HRH1: variants seen among roughly 807,000 people sequenced by gnomAD.
The protein encoded by HRH1 is histamine H1 receptor.
A neutral mutation model predicts 10.3 loss-of-function variants in HRH1; 6 were observed. The ratio of observed to expected loss-of-function variants is 0.58; its 90% confidence interval spans 0.32 to 1.15. The LOEUF is 1.15. HRH1 is among the 50% of genes most tolerant of loss of function. The pLI, the probability that HRH1 is intolerant of heterozygous loss-of-function variation, is 0.05. For synonymous variants in HRH1, 242 were observed against 236.7 expected (o/e 1.02, Z -0.21); for missense variants, 514 against 615.3 (o/e 0.84, Z 1.74).
At chr3:11,165,104 A>G (rs1937005325) in intron 1 of HRH1, among the ~76,000 whole-genome samples, 1 of 152,232 alleles carries the variant, frequency 6.6e-6, no homozygotes, top group South Asian at 2.1e-4. Flanking sequence ...GCACAGTGCT[A>G]AGACAGTCTC....
upstream of HRH1, among the ~76,000 whole-genome samples, chr3:11,154,144 G>C (rs1270220300): frequency 6.6e-6 from 1 of 152,176 alleles, no homozygotes; most frequent in Non-Finnish European, 1.5e-5. The surrounding 1 kb of genome is among the most constrained non-coding windows in gnomAD (Gnocchi z 4.4). Flanking sequence ...CAGGTGCGTG[G>C]GTGGGGGTGG....
chr3:11,226,885 TAAAA>T (rs11312109), intron 1 of HRH1, among the ~76,000 whole-genome samples: 7 of 133,360 alleles, frequency 5.2e-5, no homozygotes, highest in African/African-American at 5.6e-5. Context: ...AGACTCAGTC[TAAAA>T]AAAAAAAAAA....
chr3:11,164,772 C>T (rs149176222), intron 1 of HRH1, among the ~76,000 whole-genome samples: 4 of 152,322 alleles, frequency 2.6e-5, no homozygotes, highest in Admixed American at 2.0e-4. Context: ...GAAACAGAAA[C>T]AGCAGTGCAG....
intron 1 of HRH1, among the ~76,000 whole-genome samples, chr3:11,249,120 G>A (rs1939567662): frequency 6.6e-6 from 1 of 152,136 alleles, no homozygotes; most frequent in Admixed American, 6.5e-5. Flanking sequence ...TTTAGGGCTG[G>A]GCGCGGTGGC....
At chr3:11,223,011 C>T (rs1005155823) in intron 1 of HRH1, among the ~76,000 whole-genome samples, 2 of 151,556 alleles carry the variant, frequency 1.3e-5, no homozygotes, top group Non-Finnish European at 2.9e-5. Context: ...ATGGTGAAAC[C>T]CCACCTCTAC....
At chr3:11,235,810 AG>A (rs1939166562) in intron 1 of HRH1, among the ~76,000 whole-genome samples, 1 of 152,232 alleles carries the variant, frequency 6.6e-6, no homozygotes, top group Non-Finnish European at 1.5e-5. Context: ...GCTGAAATAG[AG>A]CAGGTGTTGT....
chr3:11,211,696 G>A (rs983499246), intron 1 of HRH1, among the ~76,000 whole-genome samples: 2 of 152,198 alleles, frequency 1.3e-5, no homozygotes, highest in Non-Finnish European at 2.9e-5. Flanking sequence ...CAGGGGCAAG[G>A]ACTGGGATTT....
intron 1 of HRH1, among the ~76,000 whole-genome samples, chr3:11,222,667 T>C (rs1938745011): frequency 6.6e-6 from 1 of 151,930 alleles, no homozygotes; most frequent in Non-Finnish European, 1.5e-5. Flanking sequence ...GCTGGCGAGC[T>C]GTGCGTCAGG....
chr3:11,177,708 C>G (rs765064548), intron 1 of HRH1, among the ~76,000 whole-genome samples: 19 of 152,204 alleles, frequency 1.2e-4, no homozygotes, highest in Non-Finnish European at 1.9e-4. Context: ...CAGTGCTGGC[C>G]TAGTACATCC....
chr3:11,150,797 T>A (rs570771927), upstream of HRH1, among the ~76,000 whole-genome samples: 146 of 152,204 alleles, frequency 9.6e-4, no homozygotes, highest in African/African-American at 3.2e-3. Flanking sequence ...AGGAAGCAGT[T>A]GGGCTGGATT....
rs1939972265 is a variant in HRH1, at chr3:11,262,105, T to A, written c.*1604T>A. On this transcript the variant is annotated 3_prime_UTR_variant, in exon 2 of 2. Coordinates refer to ENST00000431010, the MANE Select transcript of HRH1 (RefSeq NM_001098212.2). ...AAAAACTAGTAAAGACATAGGAACA[T>A]GTAGTTTTACTTGGTGTTTATGTTG... The A allele has an allele frequency of 6.0e-6, 1 of 167,108 alleles. No individual in the cohort carries two copies. The highest frequency in any genetic ancestry group is 1.5e-5 in the Non-Finnish European group (1 of 68,130). 10.4% of individuals were successfully genotyped at this position (167,108 alleles called of 1,614,324 possible).
At chr3:11,203,421 A>C (rs1938005550) in intron 1 of HRH1, among the ~76,000 whole-genome samples, 1 of 152,188 alleles carries the variant, frequency 6.6e-6, no homozygotes, top group Non-Finnish European at 1.5e-5. Flanking sequence ...TGTATCTAAA[A>C]AGTCATTGCC....
chr3:11,249,174 A>G (rs950990349), intron 1 of HRH1, among the ~76,000 whole-genome samples: 1 of 152,144 alleles, frequency 6.6e-6, no homozygotes, highest in Non-Finnish European at 1.5e-5. Flanking sequence ...AGGCAGGTGG[A>G]TCACGAGGTC....
chr3:11,195,604 A>G (rs866848667), intron 1 of HRH1, among the ~76,000 whole-genome samples: 1 of 152,332 alleles, frequency 6.6e-6, no homozygotes, highest in Middle Eastern at 3.4e-3. Context: ...AGCTATCTGG[A>G]TAATCTCTTC....
chr3:11,250,443 G>A (rs1450678913), intron 1 of HRH1, among the ~76,000 whole-genome samples: 6 of 151,934 alleles, frequency 3.9e-5, no homozygotes, highest in Non-Finnish European at 8.8e-5. Flanking sequence ...TCTCTCAACG[G>A]TCCGGACTGC....
Position 11,211,071 on chromosome 3 carries a change from G to A in HRH1, c.-35-47932G>A, listed in dbSNP as rs1362900134. On this transcript the variant is annotated intron_variant, in intron 1 of 1. Coordinates refer to ENST00000431010, the MANE Select transcript of HRH1 (RefSeq NM_001098212.2). The stretch of plus-strand genomic sequence containing the variant: ...TAGATGGATTAAGGCAGATGATAAA[G>A]TAGCAAGCAAATAAATCAATTTGTA... 3.9e-5 allele frequency among the ~76,000 whole-genome samples: 6 copies of A among 152,230 alleles called. No individual in the cohort carries two copies. The East Asian group carries it at 1.2e-3, about 29-fold the overall frequency.
chr3:11,255,705 C>T (rs1485698228), intron 1 of HRH1, among the ~76,000 whole-genome samples: 3 of 152,082 alleles, frequency 2.0e-5, no homozygotes, highest in Admixed American at 6.5e-5. Flanking sequence ...AACTGGAAGC[C>T]GGGAGGAGGC....
At chr3:11,217,309 C>T (rs904344237) in intron 1 of HRH1, among the ~76,000 whole-genome samples, 1 of 151,844 alleles carries the variant, frequency 6.6e-6, no homozygotes, top group Admixed American at 6.6e-5. Context: ...GCAGGCGGAT[C>T]ACCTGAGGTC....
chr3:11,198,219 G>A (rs1292216488), intron 1 of HRH1, among the ~76,000 whole-genome samples: 2 of 152,000 alleles, frequency 1.3e-5, no homozygotes, highest in Non-Finnish European at 2.9e-5. Flanking sequence ...TACCTTGCCC[G>A]CCGAGGAGTT....
Sources: gnomAD v4.1 joint callset for allele counts (sites outside exome capture counted in the v4.1 genomes callset) on GRCh38, gnomAD v4.1.1 for gene constraint, Gnocchi (gnomAD v3.1) non-coding constraint, MANE v1.5 for transcripts, NCBI Gene and HGNC (gene_info 2026-07-23, HGNC 2026-07-21) for gene names.